SPTLC1: variants seen among roughly 807,000 people sequenced by gnomAD.
The protein encoded by SPTLC1 is serine palmitoyltransferase long chain base subunit 1.
In SPTLC1, 55 loss-of-function variants were observed where a neutral mutation model predicts 68.9. That is an observed-to-expected ratio of 0.80 (90% confidence interval 0.64 to 1.00). SPTLC1 has a LOEUF of 1.00. Among genes scored for constraint, SPTLC1 ranks in the 50% least tolerant of loss-of-function variants. The pLI is 0.00. For missense variants in SPTLC1, 449 were observed against 573.1 expected (o/e 0.78, Z 2.21); for synonymous variants, 197 against 201.6 (o/e 0.98, Z 0.19).
chr9:92,065,827 A>G (rs1834258922), intron 6 of SPTLC1, among the ~76,000 whole-genome samples: 1 of 152,212 alleles, frequency 6.6e-6, no homozygotes, highest in Admixed American at 6.5e-5. Context: ...CATTTGCTGT[A>G]GTGCTCCTAG....
intron 5 of SPTLC1, among the ~76,000 whole-genome samples, chr9:92,073,898 A>C (rs1410581701): frequency 6.6e-6 from 1 of 152,182 alleles, no homozygotes; most frequent in Non-Finnish European, 1.5e-5. Flanking sequence ...CCTTGCTTCA[A>C]ATGTCAAAAA....
At chr9:92,046,385 T>C in intron 11 of SPTLC1, 1 of 241,932 alleles carries the variant, frequency 4.1e-6, no homozygotes, top group Non-Finnish European at 8.0e-6. Context: ...TCCTAAACAA[T>C]TTGGTAAAAA....
chr9:92,112,811 A>G (rs1836298067), intron 1 of SPTLC1, among the ~76,000 whole-genome samples: 1 of 152,232 alleles, frequency 6.6e-6, no homozygotes, highest in Non-Finnish European at 1.5e-5. Context: ...ATTAAAATTA[A>G]AAAAATAAAA....
chr9:92,041,719 A>C (rs1833354983), intron 12 of SPTLC1, among the ~76,000 whole-genome samples: 1 of 152,254 alleles, frequency 6.6e-6, no homozygotes, highest in South Asian at 2.1e-4. Flanking sequence ...ATAAAAAGTC[A>C]AATTAAAATA....
chr9:92,068,602 G>A (rs548176743), intron 5 of SPTLC1, among the ~76,000 whole-genome samples: 1 of 152,138 alleles, frequency 6.6e-6, no homozygotes, highest in Non-Finnish European at 1.5e-5. Flanking sequence ...TCACTTTCTG[G>A]GGCTGGGATT....
chr9:92,091,227 A>C (rs76542405), intron 3 of SPTLC1, among the ~76,000 whole-genome samples: 2,061 of 152,354 alleles, frequency 0.014, 55 homozygotes, highest in African/African-American at 0.046. Context: ...CTTCACAATG[A>C]AACAGTATAC....
At chr9:92,045,539 A>C (rs1190699858) in intron 12 of SPTLC1, among the ~76,000 whole-genome samples, 4 of 148,374 alleles carry the variant, frequency 2.7e-5, no homozygotes, top group East Asian at 1.9e-4. Flanking sequence ...AAAAAAAAAA[A>C]AAAAAAAAAA....
chr9:92,101,614 A>AAC (rs1835758348), intron 3 of SPTLC1, among the ~76,000 whole-genome samples: 1 of 148,258 alleles, frequency 6.7e-6, no homozygotes, highest in African/African-American at 2.5e-5. Flanking sequence ...AACCAACAGA[A>AAC]ACCTTAGGAA....
chr9:92,102,858 T>C (rs558018733), intron 3 of SPTLC1, among the ~76,000 whole-genome samples: 24 of 152,164 alleles, frequency 1.6e-4, no homozygotes, highest in Admixed American at 7.9e-4. Flanking sequence ...TAACAAGATG[T>C]AGAGTGGCCA....
intron 12 of SPTLC1, among the ~76,000 whole-genome samples, chr9:92,044,428 G>T (rs1228323073): frequency 6.6e-6 from 1 of 152,182 alleles, no homozygotes; most frequent in Non-Finnish European, 1.5e-5. Flanking sequence ...CTCTGAAGAT[G>T]GTCCACTGGA....
chr9:92,094,457 T>G (rs1835465090), intron 3 of SPTLC1, among the ~76,000 whole-genome samples: 1 of 152,234 alleles, frequency 6.6e-6, no homozygotes, highest in Non-Finnish European at 1.5e-5. Context: ...AGTCAAGACA[T>G]TCCTAAAACC....
intron 5 of SPTLC1, among the ~76,000 whole-genome samples, chr9:92,072,277 G>A (rs527883627): frequency 6.6e-6 from 1 of 152,252 alleles, no homozygotes; most frequent in East Asian, 1.9e-4. Flanking sequence ...TCTACGGATC[G>A]GGTAAGCTGC....
intron 8 of SPTLC1, among the ~76,000 whole-genome samples, chr9:92,053,333 C>T (rs986870190): frequency 3.9e-5 from 6 of 152,146 alleles, no homozygotes; most frequent in Non-Finnish European, 8.8e-5. Context: ...ATGGTGCAAT[C>T]GCTGTTGAAA....
intron 6 of SPTLC1, among the ~76,000 whole-genome samples, chr9:92,064,910 A>T (rs1394313876): frequency 6.6e-6 from 1 of 152,262 alleles, no homozygotes; most frequent in Non-Finnish European, 1.5e-5. Context: ...AACAAAATTA[A>T]CAAACAGAAC....
At chr9:92,057,954 A>G (rs1412577512) in intron 7 of SPTLC1, among the ~76,000 whole-genome samples, 1 of 152,242 alleles carries the variant, frequency 6.6e-6, no homozygotes, top group Non-Finnish European at 1.5e-5. Context: ...AGCACATACA[A>G]AACTTGAATC....
Position 92,037,726 on chromosome 9 carries a change from TA to T in SPTLC1, c.1254+521del, listed in dbSNP as rs374952554. Reference sequence around the variant, plus strand: ...CTTTTGGAAGATAAAGAAATTTAAATAAATCTCCCCAAATTAGGTATGTTAT... The same window carrying T: ...CTTTTGGAAGATAAAGAAATTTAAATAATCTCCCCAAATTAGGTATGTTAT... On this transcript the variant is annotated intron_variant, in intron 13 of 14. Coordinates refer to ENST00000262554, the MANE Select transcript of SPTLC1 (RefSeq NM_006415.4). Among the ~76,000 whole-genome samples the T allele has an allele frequency of 1.0e-3, 157 of 152,286 alleles. 5 individuals carry two copies. The South Asian group carries it at 0.029, about 28-fold the overall frequency.
intron 4 of SPTLC1, among the ~76,000 whole-genome samples, chr9:92,080,299 A>G (rs548188381): frequency 6.2e-4 from 95 of 152,314 alleles, no homozygotes; most frequent in African/African-American, 2.3e-3. Flanking sequence ...ACTTTTCTGC[A>G]TTTGTGGGCC....
At chr9:92,094,204 T>C (rs1486078100) in intron 3 of SPTLC1, among the ~76,000 whole-genome samples, 1 of 152,168 alleles carries the variant, frequency 6.6e-6, no homozygotes. Flanking sequence ...CAACGAAAGA[T>C]ACCAAAGACA....
chr9:92,110,451 T>C (rs999661424), intron 2 of SPTLC1: 1 of 152,170 alleles, frequency 6.6e-6, no homozygotes, highest in African/African-American at 2.4e-5. Flanking sequence ...TTCTACTAAT[T>C]ACCATTCTAA....
Sources: allele counts gnomAD v4.1 joint callset (sites outside exome capture counted in the v4.1 genomes callset), GRCh38; gene constraint gnomAD v4.1.1; transcripts MANE v1.5; gene names NCBI Gene and HGNC (gene_info 2026-07-23, HGNC 2026-07-21).